Variants in TMEM266 observed in about 807,000 individuals in gnomAD.
The protein encoded by TMEM266 is transmembrane protein 266, also known as Hv1 related protein 1.
TMEM266 carries 33 observed loss-of-function variants against 50.5 expected under a neutral mutation model. The observed-to-expected ratio is 0.65, with a 90% CI of 0.50 to 0.87. The LOEUF (loss-of-function observed/expected upper bound fraction) is 0.87, where lower values mean the gene tolerates loss of function less well. Ranked by LOEUF, TMEM266 falls within the 40% of genes least tolerant of loss-of-function variation. The pLI, the probability that TMEM266 is intolerant of heterozygous loss-of-function variation, is 0.00. For missense variants in TMEM266, 655 were observed against 695.1 expected, an observed-to-expected ratio of 0.94 and a Z score of 0.65; for synonymous variants, 310 against 292.3, an observed-to-expected ratio of 1.06 and a Z score of -0.62.
chr15:76,080,947 CATT>C (rs71462536), intron 1 of TMEM266, among the ~76,000 whole-genome samples: 7 of 150,798 alleles, frequency 4.6e-5, no homozygotes, highest in African/African-American at 1.7e-4. Flanking sequence ...GATGAGGTCT[CATT>C]ATGTTGCCCA....
At chr15:76,137,652 AAT>A in intron 2 of TMEM266, 53 bp from the exon 3 acceptor site, 2 of 1,545,100 alleles carry the variant, frequency 1.3e-6, no homozygotes, top group South Asian at 2.3e-5. Flanking sequence ...GGAATGGAAG[AAT>A]TTTTTGGCCC....
intron 3 of TMEM266, among the ~76,000 whole-genome samples, chr15:76,141,037 A>G (rs2037668494): frequency 6.6e-6 from 1 of 152,012 alleles, no homozygotes; most frequent in Non-Finnish European, 1.5e-5. Flanking sequence ...ACCCTGTCTC[A>G]ACAACAACAA....
At chr15:76,179,684 G>A (rs1162935685) in intron 8 of TMEM266, among the ~76,000 whole-genome samples, 2 of 152,182 alleles carry the variant, frequency 1.3e-5, no homozygotes, top group African/African-American at 4.8e-5. Flanking sequence ...AACTCTTGCT[G>A]TCTCCTTGCT....
chr15:76,136,601 C>A (rs1045781531), intron 2 of TMEM266, among the ~76,000 whole-genome samples: 1 of 152,174 alleles, frequency 6.6e-6, no homozygotes, highest in Non-Finnish European at 1.5e-5. Flanking sequence ...TTAAATTTTA[C>A]TCCTTGCCAT....
At chr15:76,199,701 G>T (rs2038712354) in intron 9 of TMEM266, among the ~76,000 whole-genome samples, 2 of 152,164 alleles carry the variant, frequency 1.3e-5, no homozygotes, top group African/African-American at 4.8e-5. Flanking sequence ...TAGCACAGGG[G>T]CAGGGAGATC....
At chr15:76,203,642 C>A in intron 10 of TMEM266, 99 bp from the exon 11 acceptor site, 1 of 1,142,744 alleles carries the variant, frequency 8.8e-7, no homozygotes, top group South Asian at 1.4e-5. Flanking sequence ...ACAGCCTAGC[C>A]ACACTCATTG....
intron 1 of TMEM266, among the ~76,000 whole-genome samples, chr15:76,127,174 A>C (rs1361327438): frequency 6.6e-6 from 1 of 152,192 alleles, no homozygotes; most frequent in Non-Finnish European, 1.5e-5. Context: ...TGATTGTGGT[A>C]ATCATTTCAC....
intron 1 of TMEM266, among the ~76,000 whole-genome samples, chr15:76,092,838 C>T (rs373942447): frequency 2.4e-5 from 3 of 122,872 alleles, no homozygotes; most frequent in South Asian, 2.8e-4. Flanking sequence ...GACTGAGTCT[C>T]GCTCTATCAC....
chr15:76,162,407 TTGTTACTAGAAGGGTCTCA>T (rs1327851636), intron 5 of TMEM266, among the ~76,000 whole-genome samples: 1 of 152,214 alleles, frequency 6.6e-6, no homozygotes. Flanking sequence ...TGTCAGAACC[TTGTTACTAGAAGGGTCTCA>T]TGGAGGTCTC....
chr15:76,115,737 A>G (rs1355344589), intron 1 of TMEM266, among the ~76,000 whole-genome samples: 1 of 152,084 alleles, frequency 6.6e-6, no homozygotes, highest in Non-Finnish European at 1.5e-5. Context: ...TTAACTAGAC[A>G]GGGCGCTTTT....
At position 76,141,560 on chromosome 15, in the gene TMEM266, G is replaced by A. The variant is rs144233629; in HGVS notation, c.227+3665G>A. On this transcript the variant is annotated intron_variant, in intron 3 of 10. Coordinates refer to ENST00000388942, the MANE Select transcript of TMEM266 (RefSeq NM_152335.3). ...AGCCTCAGTGTACTTTTTTAAAAAA[G>A]CATTTTTTAAAAATGTGGTAAAATA... is the stretch of plus-strand genomic sequence containing the variant. Among the ~76,000 whole-genome samples the A allele has an allele frequency of 2.2e-3, 337 of 152,178 alleles. 2 individuals carry two copies. Among genetic ancestry groups the A allele is most frequent in the African/African-American group, 7.5e-3 (312 of 41,524 alleles).
Position 76,204,001 on chromosome 15 carries a change from C to T in TMEM266, c.1282C>T (p.Pro428Ser). 2 of 1,608,408 alleles carry T rather than the reference C, an allele frequency of 1.2e-6. No individual in the cohort carries two copies. The highest frequency in any genetic ancestry group is 1.7e-5 in the Admixed American group (1 of 59,876). The change falls in exon 11 of 11, where the codon CCG becomes TCG. Residue 428 changes from proline (P) to serine (S), a missense_variant. This residue lies in a region of TMEM266 where 455 missense variants were observed against 401.8 expected (regional missense o/e 1.13). Transcript: ENST00000388942. The stretch of plus-strand genomic sequence containing the variant: ...CTCTGAGCCCGGCCCTTCTCCCCCG[C>T]CGCTGCCATCCCAGCAGCAGGTGGA...
At chr15:76,102,733 G>A (rs746145297) in intron 1 of TMEM266, among the ~76,000 whole-genome samples, 93 of 151,850 alleles carry the variant, frequency 6.1e-4, no homozygotes, top group South Asian at 6.2e-4. Flanking sequence ...CAGCTACTTG[G>A]GAGGCTGAGG....
chr15:76,152,558 C>A (rs1596137611), intron 3 of TMEM266, among the ~76,000 whole-genome samples: 2 of 152,174 alleles, frequency 1.3e-5, no homozygotes, highest in East Asian at 3.9e-4. Context: ...TCCTGGCTCC[C>A]ATCACCCTGG....
rs377482571 is a variant in TMEM266, at chr15:76,078,885, A to T, written c.-97+18869A>T. On this transcript the variant is annotated intron_variant, in intron 1 of 10. Transcript: ENST00000388942. ...GTGCTGGCAGGGCCACACTCCCTGC[A>T]TAGGCTCTGGGGGAAAATTCTTCCT... Among the ~76,000 whole-genome samples the T allele has an allele frequency of 5.4e-4, 82 of 152,376 alleles. 4 individuals are homozygous for T. The South Asian group carries it at 0.016, about 29-fold the overall frequency.
intron 8 of TMEM266, among the ~76,000 whole-genome samples, chr15:76,177,546 G>A (rs2038306720): frequency 1.3e-5 from 2 of 152,214 alleles, no homozygotes; most frequent in African/African-American, 4.8e-5. Context: ...TCTGCTTTGG[G>A]AACACTATGA....
At position 76,181,767 on chromosome 15, in the gene TMEM266, G is replaced by A. The variant is rs866377320; in HGVS notation, c.768+6093G>A. On this transcript the variant is annotated intron_variant, in intron 8 of 10. Transcript: ENST00000388942. ...GATGCAGCAGTTAAATCAATGCAACGATATACTCTTCTGACTCATCTCACG... is the reference window on the plus strand; with the variant it reads ...GATGCAGCAGTTAAATCAATGCAACAATATACTCTTCTGACTCATCTCACG... Among the ~76,000 whole-genome samples the A allele has an allele frequency of 8.5e-5, 13 of 152,238 alleles. No homozygotes were observed. In the Middle Eastern group the frequency reaches 0.01, roughly 120 times the overall value.
At chr15:76,144,778 C>A (rs1168015057) in intron 3 of TMEM266, among the ~76,000 whole-genome samples, 1 of 152,170 alleles carries the variant, frequency 6.6e-6, no homozygotes, top group African/African-American at 2.4e-5. Context: ...CATGCGTGTC[C>A]ACAGACGTGA....
intron 8 of TMEM266, 103 bp downstream of exon 8, chr15:76,175,777 G>A (rs1459774953): frequency 2.2e-6 from 2 of 892,380 alleles, no homozygotes; most frequent in African/African-American, 1.6e-5. Flanking sequence ...AGAGGTCAGG[G>A]AGTTCCTCCA....
Sources: allele counts gnomAD v4.1 joint callset (sites outside exome capture counted in the v4.1 genomes callset), GRCh38; gene constraint gnomAD v4.1.1; regional missense constraint gnomAD v4.1.1; transcripts MANE v1.5; gene names NCBI Gene and HGNC (gene_info 2026-07-23, HGNC 2026-07-21).